Variants in ZNF320 observed in about 807,000 individuals in gnomAD.
ZNF320 encodes zinc finger protein 320.
A neutral mutation model predicts 6.8 loss-of-function variants in ZNF320; 2 were observed. The observed-to-expected ratio is 0.29, with a 90% CI of 0.12 to 0.93. The LOEUF (loss-of-function observed/expected upper bound fraction) is 0.93. ZNF320 is among the 40% of genes least tolerant of loss of function. The pLI, the probability that ZNF320 is intolerant of heterozygous loss-of-function variation, is 0.55. For synonymous variants in ZNF320, 208 were observed against 203.2 expected, an observed-to-expected ratio of 1.02 and a Z score of -0.20; for missense variants, 472 against 611.0, an observed-to-expected ratio of 0.77 and a Z score of 2.40.
intron 5 of ZNF320, among the ~76,000 whole-genome samples, chr19:52,887,245 G>T (rs12462863): frequency 1.4e-4 from 21 of 151,778 alleles, no homozygotes; most frequent in Admixed American, 3.3e-4. Flanking sequence ...CCCATCTGGA[G>T]TTTTTTGTTA....
At chr19:52,862,170 T>G (rs2063490151) in exon 6 of ZNF320, 1 of 431,852 alleles carries the variant, frequency 2.3e-6, no homozygotes, top group Non-Finnish European at 4.7e-6. Flanking sequence ...TGACAATCAT[T>G]GCATTAGTAA....
chr19:52,887,008 A>AGG (rs1555821347), intron 5 of ZNF320, among the ~76,000 whole-genome samples: 23,833 of 104,974 alleles, frequency 0.23, 2,455 homozygotes, highest in Non-Finnish European at 0.28. Flanking sequence ...GAAGGAAGGA[A>AGG]AAGAAAAAAC....
exon 6 of ZNF320, among the ~76,000 whole-genome samples, chr19:52,863,201 T>A (rs998703099): frequency 2.0e-5 from 3 of 152,008 alleles, no homozygotes; most frequent in Admixed American, 1.3e-4. Flanking sequence ...TGCAAAAAAA[T>A]GAATATATAA....
chr19:52,860,607 A>AAAAAAG (rs1340739742), downstream of ZNF320, among the ~76,000 whole-genome samples: 4 of 151,800 alleles, frequency 2.6e-5, no homozygotes, highest in African/African-American at 9.7e-5. Flanking sequence ...CAAAAAAAAA[A>AAAAAAG]AAAGAAAAAG....
Position 52,881,511 on chromosome 19 carries a change from T to C in ZNF320, c.615A>G (p.Ala205=), listed in dbSNP as rs2063919432. 1 of 1,614,166 alleles carries C rather than the reference T, an allele frequency of 6.2e-7. No homozygotes were observed. Among genetic ancestry groups the C allele is most frequent in the East Asian group, 2.2e-5 (1 of 44,858 alleles). The change falls in exon 6 of 6, where the codon GCA becomes GCG. Residue 205 remains alanine, a synonymous_variant. Coordinates refer to ENST00000682928, the MANE Select transcript of ZNF320 (RefSeq NM_001351774.2). The part of the protein sequence containing the change: ...DKAFKHDSHL[A]KHTRIHRGDK... The stretch of plus-strand genomic sequence containing the variant: ...CTCCCCTGTGAATTCTAGTATGTTT[T>C]GCCAGGTGTGAATCATGCTTAAAAG...
chr19:52,900,202 C>G (rs756756688), upstream of ZNF320, among the ~76,000 whole-genome samples: 23 of 152,274 alleles, frequency 1.5e-4, no homozygotes, highest in Non-Finnish European at 2.6e-4. Flanking sequence ...CAGTCTGCAA[C>G]TTTGGAAATT....
the ZNF320 span, among the ~76,000 whole-genome samples, chr19:52,903,459 T>C: frequency 6.6e-6 from 1 of 152,124 alleles, no homozygotes; most frequent in Admixed American, 6.5e-5. Flanking sequence ...GGTGTAACTG[T>C]CTGTGTACTG....
At chr19:52,865,673 TATG>T (rs200898336) in intron 5 of ZNF320, among the ~76,000 whole-genome samples, 18,855 of 120,018 alleles carry the variant, frequency 0.16, 2,329 homozygotes, top group Non-Finnish European at 0.2. Context: ...ATATATATTA[TATG>T]ATTATACATA....
At chr19:52,889,425 G>A (rs934751310) in intron 4 of ZNF320, among the ~76,000 whole-genome samples, 8 of 151,750 alleles carry the variant, frequency 5.3e-5, no homozygotes, top group African/African-American at 1.5e-4. Context: ...GTACTCCAGC[G>A]TGGGTGACAG....
intron 5 of ZNF320, among the ~76,000 whole-genome samples, chr19:52,885,355 C>A (rs530825711): frequency 1.3e-5 from 2 of 152,056 alleles, no homozygotes; most frequent in African/African-American, 4.8e-5. Context: ...GCAAGCCAGG[C>A]GGATCACCTG....
At chr19:52,884,739 A>G (rs1600627564) in intron 5 of ZNF320, among the ~76,000 whole-genome samples, 1 of 152,198 alleles carries the variant, frequency 6.6e-6, no homozygotes, top group Non-Finnish European at 1.5e-5. Context: ...GGCATGAGCC[A>G]CCGTGGCCAG....
chr19:52,868,463 G>T lies in ZNF320; in HGVS notation c.224-4304C>A, dbSNP rs1031050203. Among the ~76,000 whole-genome samples, 4 of 150,948 alleles carry T rather than the reference G, an allele frequency of 2.6e-5. 1 individual carries two copies. In the Middle Eastern group the frequency reaches 0.014, roughly 521 times the overall value. ...GGAGGTTGTGGTGAGCTCGGATTGC[G>T]CCACTGTAGTCCAGCCTGGGCAAGA... On this transcript the variant is annotated intron_variant, in intron 5 of 5. Coordinates refer to the ZNF320 transcript ENST00000673631.
At position 52,881,353 on chromosome 19, in the gene ZNF320, G is replaced by A; in HGVS notation, c.773C>T (p.Ser258Leu). 1 of 1,614,070 alleles carries A rather than the reference G, an allele frequency of 6.2e-7. No homozygotes were observed. Among genetic ancestry groups the A allele is most frequent in the South Asian group, 1.1e-5 (1 of 91,080 alleles). ...NECGKTFSQT[S>L]HLVYHHRLHT... Reference sequence around the variant, plus strand: ...CAGTCTATGATGGTACACAAGGTGTGATGTCTGACTAAAGGTCTTGCCACA... The same window carrying A: ...CAGTCTATGATGGTACACAAGGTGTAATGTCTGACTAAAGGTCTTGCCACA... Residue 258 changes from serine to leucine, a missense_variant, in exon 6 of 6, where the codon TCA becomes TTA. Coordinates refer to ENST00000682928, the MANE Select transcript of ZNF320 (RefSeq NM_001351774.2).
At chr19:52,864,333 TGA>T (rs2063508471) in intron 5 of ZNF320, among the ~76,000 whole-genome samples, 1 of 152,190 alleles carries the variant, frequency 6.6e-6, no homozygotes, top group African/African-American at 2.4e-5. Flanking sequence ...TACTTTTCCA[TGA>T]GAGATTTCAA....
At chr19:52,865,479 T>TGTA in intron 5 of ZNF320, 1 of 115,220 alleles carries the variant, frequency 8.7e-6, no homozygotes, top group African/African-American at 3.4e-5. Flanking sequence ...ATTACATATA[T>TGTA]ATATAATACA....
chr19:52,894,193 T>C (rs1197662796), intron 1 of ZNF320: 2 of 151,854 alleles, frequency 1.3e-5, no homozygotes, highest in African/African-American at 4.8e-5. Flanking sequence ...GAGAACAGTC[T>C]GGCCAATATG....
At chr19:52,885,688 C>A (rs2064054609) in intron 5 of ZNF320, among the ~76,000 whole-genome samples, 1 of 151,484 alleles carries the variant, frequency 6.6e-6, no homozygotes, top group African/African-American at 2.4e-5. Flanking sequence ...TGCACTCCAG[C>A]CTGGGAAACA....
At chr19:52,899,766 T>C (rs1474762692), upstream of ZNF320, among the ~76,000 whole-genome samples, 3 of 152,182 alleles carry the variant, frequency 2.0e-5, no homozygotes, top group African/African-American at 7.2e-5. Context: ...CGGTGATAGA[T>C]AGCATTTCTT....
chr19:52,895,852 T>C (rs537552698), intron 1 of ZNF320: 6 of 151,246 alleles, frequency 4.0e-5, no homozygotes, highest in African/African-American at 1.5e-4. Context: ...CTAAAATCAT[T>C]TATCAGGTAC....
Sources: gnomAD v4.1 joint callset for allele counts (sites outside exome capture counted in the v4.1 genomes callset) on GRCh38, gnomAD v4.1.1 for gene constraint, MANE v1.5 for transcripts, NCBI Gene and HGNC (gene_info 2026-07-23, HGNC 2026-07-21) for gene names.